CAP2: variants seen among roughly 807,000 people sequenced by gnomAD.
CAP2 encodes cyclase associated actin cytoskeleton regulatory protein 2.
Under a neutral mutation model 57.7 loss-of-function variants are expected in CAP2, and 24 were observed. The ratio of observed to expected loss-of-function variants is 0.42; its 90% CI spans 0.30 to 0.58. The LOEUF is 0.58. Ranked by LOEUF, CAP2 falls within the 20% of genes least tolerant of loss-of-function variation. CAP2 has a pLI of 0.22. For missense variants in CAP2, 501 were observed against 590.3 expected (o/e 0.85, Z 1.57); for synonymous variants, 194 against 207.2 (o/e 0.94, Z 0.55).
At chr6:17,466,646 A>C (rs1400490596) in intron 4 of CAP2, among the ~76,000 whole-genome samples, 1 of 152,186 alleles carries the variant, frequency 6.6e-6, no homozygotes, top group Non-Finnish European at 1.5e-5. Flanking sequence ...AAGAGTCTGT[A>C]GTTCTAACAG....
At chr6:17,449,804 A>G (rs1760357602) in intron 3 of CAP2, among the ~76,000 whole-genome samples, 1 of 152,190 alleles carries the variant, frequency 6.6e-6, no homozygotes, top group Admixed American at 6.5e-5. Flanking sequence ...TTTATTGCCA[A>G]ATTATTCTCC....
At chr6:17,553,278 A>G (rs1250824069) in intron 12 of CAP2, among the ~76,000 whole-genome samples, 10 of 152,200 alleles carry the variant, frequency 6.6e-5, no homozygotes, top group African/African-American at 2.4e-4. Context: ...TGGGGAGCCA[A>G]CATTGAAATC....
chr6:17,421,814 C>A, intron 2 of CAP2, 138 bp downstream of exon 2: 1 of 967,696 alleles, frequency 1.0e-6, no homozygotes, highest in Non-Finnish European at 1.6e-6. Context: ...ATAACATTAA[C>A]CAGAGGCAAG....
intron 7 of CAP2, among the ~76,000 whole-genome samples, chr6:17,520,977 G>A (rs554371520): frequency 9.2e-5 from 14 of 152,240 alleles, no homozygotes; most frequent in Non-Finnish European, 1.9e-4. Flanking sequence ...TTCCCACGGA[G>A]TGGCCCTGGC....
At chr6:17,452,271 G>C (rs1240116480) in intron 3 of CAP2, among the ~76,000 whole-genome samples, 2 of 152,184 alleles carry the variant, frequency 1.3e-5, no homozygotes, top group African/African-American at 2.4e-5. Flanking sequence ...CAGGCAATCT[G>C]ATTTCTCATT....
At chr6:17,443,046 C>A (rs1427001299) in intron 3 of CAP2, among the ~76,000 whole-genome samples, 1 of 152,086 alleles carries the variant, frequency 6.6e-6, no homozygotes, top group Non-Finnish European at 1.5e-5. Flanking sequence ...AAATAAAACT[C>A]TTGAGAGTAA....
intron 3 of CAP2, among the ~76,000 whole-genome samples, chr6:17,436,086 T>TTCCTTCCTTCC (rs1759876688): frequency 0.011 from 1,534 of 133,958 alleles, 40 homozygotes; most frequent in African/African-American, 0.042. Flanking sequence ...TCTTTCTTTC[T>TTCCTTCCTTCC]TTCCTTCCTT....
intron 4 of CAP2, among the ~76,000 whole-genome samples, chr6:17,465,645 C>T (rs1049915491): frequency 6.6e-6 from 1 of 152,142 alleles, no homozygotes; most frequent in Non-Finnish European, 1.5e-5. Context: ...ATGGTACAGG[C>T]TCAAGAGGCT....
chr6:17,422,142 T>A (rs1180092136), intron 2 of CAP2, among the ~76,000 whole-genome samples: 1 of 152,214 alleles, frequency 6.6e-6, no homozygotes, highest in Non-Finnish European at 1.5e-5. Context: ...TACATAATTA[T>A]CAAAAAAGAA....
intron 1 of CAP2, among the ~76,000 whole-genome samples, chr6:17,397,509 G>C (rs1272363552): frequency 2.6e-5 from 4 of 151,702 alleles, no homozygotes; most frequent in Non-Finnish European, 4.4e-5. Flanking sequence ...CCTGGCTAAC[G>C]TGGTGAAACC....
Position 17,421,692 on chromosome 6 carries a change from G to T in CAP2, c.121+16G>T. 6.2e-7 allele frequency: 1 copy of T among 1,613,982 alleles called. No individual in the cohort carries two copies. The highest frequency in any genetic ancestry group is 8.5e-7 in the Non-Finnish European group (1 of 1,179,868). On this transcript the variant is annotated intron_variant, in intron 2 of 12. Transcript: ENST00000229922. ...GTCATTGCAGGTAGGGTCACAAACTGTTGTCATTCCTGGTCTTCTTGTGGG... is the reference window on the plus strand; with the variant it reads ...GTCATTGCAGGTAGGGTCACAAACTTTTGTCATTCCTGGTCTTCTTGTGGG...
intron 3 of CAP2, among the ~76,000 whole-genome samples, chr6:17,448,915 C>T (rs1049467246): frequency 5.9e-5 from 9 of 152,150 alleles, no homozygotes; most frequent in African/African-American, 1.4e-4. Context: ...ACACCCACCA[C>T]CACGCCAGGC....
intron 4 of CAP2, among the ~76,000 whole-genome samples, chr6:17,489,876 C>A (rs192685396): frequency 3.9e-5 from 6 of 151,900 alleles, no homozygotes; most frequent in Non-Finnish European, 7.4e-5. Context: ...ATCTTGAGTT[C>A]TCCACTGGGG....
intron 7 of CAP2, among the ~76,000 whole-genome samples, chr6:17,535,905 G>A (rs1762761192): frequency 6.6e-6 from 1 of 151,962 alleles, no homozygotes; most frequent in Non-Finnish European, 1.5e-5. Flanking sequence ...GAGTATTTCT[G>A]TGACACAGCC....
chr6:17,399,458 C>A (rs1561769209), intron 1 of CAP2, among the ~76,000 whole-genome samples: 1 of 152,178 alleles, frequency 6.6e-6, no homozygotes, highest in Non-Finnish European at 1.5e-5. Context: ...GCTTCTTTCA[C>A]TGAGAAATTA....
chr6:17,526,114 A>T (rs1302405426), intron 7 of CAP2, among the ~76,000 whole-genome samples: 1 of 151,836 alleles, frequency 6.6e-6, no homozygotes, highest in South Asian at 2.1e-4. Context: ...CTGCATGAAA[A>T]TGTGTCTTTT....
intron 4 of CAP2, among the ~76,000 whole-genome samples, chr6:17,499,971 A>T (rs978306462): frequency 1.3e-5 from 2 of 152,074 alleles, no homozygotes; most frequent in Admixed American, 1.3e-4. Flanking sequence ...TCTTATAAAG[A>T]TGTAAAAATA....
At chr6:17,468,737 C>T (rs1216723865) in intron 4 of CAP2, among the ~76,000 whole-genome samples, 2 of 152,172 alleles carry the variant, frequency 1.3e-5, no homozygotes, top group Non-Finnish European at 2.9e-5. Flanking sequence ...TGGAAAATGG[C>T]CAAGAAGCCC....
At chr6:17,434,213 T>C (rs559042617) in intron 3 of CAP2, among the ~76,000 whole-genome samples, 1 of 151,082 alleles carries the variant, frequency 6.6e-6, no homozygotes, top group East Asian at 1.9e-4. Context: ...TTTCTTTTCT[T>C]TTTTTTTCTC....
Sources: gnomAD v4.1 joint callset for allele counts (sites outside exome capture counted in the v4.1 genomes callset) on GRCh38, gnomAD v4.1.1 for gene constraint, MANE v1.5 for transcripts, NCBI Gene and HGNC (gene_info 2026-07-23, HGNC 2026-07-21) for gene names.